C2CD5: variants seen among roughly 807,000 people sequenced by gnomAD.
C2CD5 encodes C2 calcium dependent domain containing 5, also known as C2 domain-containing protein 5.
Under a neutral mutation model 130.3 loss-of-function variants are expected in C2CD5, and 109 were observed. The observed-to-expected ratio is 0.84, with a 90% CI of 0.72 to 0.98. The LOEUF is 0.98. Ranked by LOEUF, C2CD5 falls within the 50% of genes least tolerant of loss-of-function variation. The pLI is 0.00. For synonymous variants in C2CD5, 454 were observed against 429.2 expected (o/e 1.06, Z -0.71); for missense variants, 996 against 1,261.8 (o/e 0.79, Z 3.19).
chr12:22,456,278 A>T (rs990256439), intron 25 of C2CD5, among the ~76,000 whole-genome samples: 14 of 152,230 alleles, frequency 9.2e-5, no homozygotes, highest in African/African-American at 3.4e-4. Context: ...ACACCTCAGT[A>T]ACTAAAAAAT....
intron 10 of C2CD5, among the ~76,000 whole-genome samples, chr12:22,498,264 G>A (rs1330649951): frequency 2.6e-5 from 4 of 152,054 alleles, no homozygotes; most frequent in African/African-American, 9.7e-5. Context: ...ACCCTAGACT[G>A]GGTGTGTACA....
intron 3 of C2CD5, among the ~76,000 whole-genome samples, chr12:22,528,276 T>C (rs1950906178): frequency 6.6e-6 from 1 of 152,158 alleles, no homozygotes; most frequent in African/African-American, 2.4e-5. Flanking sequence ...TTGAGCACAA[T>C]GACACCACAA....
chr12:22,455,803 G>A (rs1019130297), intron 25 of C2CD5, among the ~76,000 whole-genome samples: 10 of 152,190 alleles, frequency 6.6e-5, no homozygotes, highest in African/African-American at 2.4e-4. Flanking sequence ...TCGTGCCTCA[G>A]CCTCCTGAGT....
intron 4 of C2CD5, among the ~76,000 whole-genome samples, chr12:22,527,152 C>T (rs1950789137): frequency 6.6e-6 from 1 of 151,894 alleles, no homozygotes; most frequent in Non-Finnish European, 1.5e-5. Context: ...GTTTTAGAAA[C>T]ACAGTATCAA....
chr12:22,527,682 TA>T, intron 4 of C2CD5, 38 bp downstream of exon 4: 1 of 1,148,716 alleles, frequency 8.7e-7, no homozygotes, highest in Non-Finnish European at 1.2e-6. Context: ...TAAAAAAGAT[TA>T]AGATTGTTAT....
At chr12:22,476,721 G>A (rs540336089) in intron 15 of C2CD5, among the ~76,000 whole-genome samples, 2 of 152,180 alleles carry the variant, frequency 1.3e-5, no homozygotes, top group South Asian at 4.1e-4. Context: ...GTACACAATG[G>A]AGGAAGAGTC....
At chr12:22,522,707 G>C (rs1412424142) in intron 7 of C2CD5, among the ~76,000 whole-genome samples, 3 of 152,014 alleles carry the variant, frequency 2.0e-5, no homozygotes, top group Non-Finnish European at 4.4e-5. Context: ...CTAGACATTT[G>C]AGTTTAACAC....
At chr12:22,490,559 A>C (rs1946205490) in intron 11 of C2CD5, among the ~76,000 whole-genome samples, 1 of 152,174 alleles carries the variant, frequency 6.6e-6, no homozygotes, top group Admixed American at 6.5e-5. Flanking sequence ...TCTAGCATTA[A>C]TCAATGAAAC....
At chr12:22,478,626 A>G in intron 14 of C2CD5, 149 bp from the exon 15 acceptor site, 1 of 625,490 alleles carries the variant, frequency 1.6e-6, no homozygotes, top group South Asian at 2.0e-5. Flanking sequence ...CGGGCAGATC[A>G]CTTGAGGTCA....
intron 2 of C2CD5, among the ~76,000 whole-genome samples, chr12:22,541,094 A>C (rs1952333920): frequency 6.6e-6 from 1 of 152,124 alleles, no homozygotes; most frequent in African/African-American, 2.4e-5. Flanking sequence ...CCATAGTCAT[A>C]AATCACTTCC....
intron 26 of C2CD5, among the ~76,000 whole-genome samples, chr12:22,452,684 A>C (rs1458287927): frequency 6.6e-6 from 1 of 152,234 alleles, no homozygotes; most frequent in Non-Finnish European, 1.5e-5. Flanking sequence ...GAGTTACAAA[A>C]ATGTATAAAC....
intron 6 of C2CD5, among the ~76,000 whole-genome samples, chr12:22,524,130 G>A (rs895082395): frequency 2.0e-5 from 3 of 152,136 alleles, no homozygotes; most frequent in Admixed American, 1.3e-4. Context: ...AGAGACAGAA[G>A]AAGGTGATTT....
intron 8 of C2CD5, 124 bp from the exon 9 acceptor site, chr12:22,513,503 C>G: frequency 1.4e-6 from 1 of 698,526 alleles, no homozygotes; most frequent in Admixed American, 2.1e-5. Flanking sequence ...ATTTAAAGCA[C>G]TGGGGATGAC....
chr12:22,493,363 T>A, intron 10 of C2CD5, 26 bp from the exon 11 acceptor site: 1 of 1,177,364 alleles, frequency 8.5e-7, no homozygotes. Context: ...TAAATCAGTT[T>A]ATTACTCAAT....
At chr12:22,479,516 G>C (rs990805250) in intron 14 of C2CD5, among the ~76,000 whole-genome samples, 1 of 152,166 alleles carries the variant, frequency 6.6e-6, no homozygotes, top group African/African-American at 2.4e-5. Context: ...ACTTTTGCAA[G>C]GCAAGAGACT....
chr12:22,468,005 A>T (rs1007877060), intron 22 of C2CD5, among the ~76,000 whole-genome samples: 1 of 152,032 alleles, frequency 6.6e-6, no homozygotes, highest in African/African-American at 2.4e-5. Flanking sequence ...AGGGACCCCA[A>T]GTCCACAAAT....
At chr12:22,533,552 A>T (rs935795720) in intron 3 of C2CD5, among the ~76,000 whole-genome samples, 1 of 152,174 alleles carries the variant, frequency 6.6e-6, no homozygotes, top group Non-Finnish European at 1.5e-5. Flanking sequence ...AACTGCAGGG[A>T]GGTGGCTGGG....
rs992977263 is a variant in C2CD5, at chr12:22,507,160, C to T, written c.1039-341G>A. Among the ~76,000 whole-genome samples the T allele has an allele frequency of 3.4e-5, 5 of 148,570 alleles. No homozygotes were observed. The East Asian group carries it at 9.7e-4, about 29-fold the overall frequency. The stretch of plus-strand genomic sequence containing the variant: ...ACTTCTCAATGAGATGAGGGAACTG[C>T]CCTATCCCTCTTCCCCTTTATCTAT... On this transcript the variant is annotated intron_variant, in intron 9 of 26. Coordinates refer to ENST00000446597, the MANE Select transcript of C2CD5 (RefSeq NM_001286176.2).
intron 10 of C2CD5, chr12:22,497,764 G>T (rs1359500850): frequency 6.4e-6 from 1 of 155,170 alleles, no homozygotes; most frequent in African/African-American, 2.4e-5. Flanking sequence ...TCAAGACCTA[G>T]TCATTTGTGA....
Sources: gnomAD v4.1 joint callset for allele counts (sites outside exome capture counted in the v4.1 genomes callset) on GRCh38, gnomAD v4.1.1 for gene constraint, MANE v1.5 for transcripts, NCBI Gene and HGNC (gene_info 2026-07-23, HGNC 2026-07-21) for gene names.